SLC17A2: variants seen among roughly 807,000 people sequenced by gnomAD.
SLC17A2 encodes solute carrier family 17 member 2, also known as sodium-dependent phosphate transport protein 3.
A neutral mutation model predicts 52.1 loss-of-function variants in SLC17A2; 38 were observed. The ratio of observed to expected loss-of-function variants is 0.73; its 90% CI spans 0.56 to 0.96. The LOEUF is 0.96. Ranked by LOEUF, SLC17A2 falls within the 40% of genes least tolerant of loss-of-function variation. The probability of loss-of-function intolerance (pLI) is 0.00; values close to 1 mark genes in which losing one functional copy is unlikely to be tolerated. For missense variants in SLC17A2, 508 were observed against 583.9 expected, an observed-to-expected ratio of 0.87 and a Z score of 1.34; for synonymous variants, 226 against 211.9, an observed-to-expected ratio of 1.07 and a Z score of -0.58.
rs1766347615 is a variant in SLC17A2, at chr6:25,916,953, A to G, written c.768+16T>C. 6.2e-7 allele frequency: 1 copy of G among 1,606,786 alleles called. No individual in the cohort carries two copies. The highest frequency in any genetic ancestry group is 8.5e-7 in the Non-Finnish European group (1 of 1,176,332). ...AGACCTCTGCATGGGCCACAGGTAC[A>G]AGGTGTGCACTGTACCTGTTGAGCC... On this transcript the variant is annotated intron_variant, in intron 7 of 11. Transcript: ENST00000377850.
At position 25,923,815 on chromosome 6, in the gene SLC17A2, A is replaced by G; in HGVS notation, c.120T>C (p.Ile40=). The G allele has an allele frequency of 6.2e-7, 1 of 1,614,210 alleles. No individual in the cohort carries two copies. Among genetic ancestry groups the G allele is most frequent in the Non-Finnish European group, 8.5e-7 (1 of 1,180,004 alleles). Residue 40 remains isoleucine, a synonymous_variant, in exon 3 of 12, where the codon ATT becomes ATC. Coordinates refer to ENST00000377850, the MANE Select transcript of SLC17A2 (RefSeq NM_001286123.3). The stretch of plus-strand genomic sequence containing the variant: ...TGGTGTTCACCATGGCGATGATCGC[A>G]ATGCTCAGACTCACACGCTGCGTTA... ...TMITQRVSLS[I]AIIAMVNTTQ...
At chr6:25,928,093 T>G (rs1349671977) in intron 1 of SLC17A2, among the ~76,000 whole-genome samples, 1 of 152,162 alleles carries the variant, frequency 6.6e-6, no homozygotes, top group Non-Finnish European at 1.5e-5. Context: ...TCAGAGATCC[T>G]CTGGCCCAAC....
In SLC17A2 at chr6:25,930,634, T is replaced by C. The variant is rs1766917605; in HGVS notation, c.-441A>G. On this transcript the variant is annotated 5_prime_UTR_variant, in exon 1 of 12. Coordinates refer to ENST00000377850, the MANE Select transcript of SLC17A2 (RefSeq NM_001286123.3). ...TCCCTTCTTCCCTTTCAAATACTTT[T>C]GCAGATTTTTACAGGGATAAATAGT... The C allele has an allele frequency of 6.6e-6, 1 of 152,348 alleles. No homozygotes were observed. Among genetic ancestry groups the C allele is most frequent in the Non-Finnish European group, 1.5e-5 (1 of 68,032 alleles). The allele number at this position is 152,348 out of a possible 1,614,324, so 9.4% of individuals were successfully genotyped here.
At chr6:25,918,673 A>G in intron 5 of SLC17A2, 100 bp from the exon 6 acceptor site, 1 of 725,608 alleles carries the variant, frequency 1.4e-6, no homozygotes, top group Non-Finnish European at 2.5e-6. Flanking sequence ...CAGACTTAGA[A>G]TTATTGGGCA....
chr6:25,916,966 T>C lies in SLC17A2; in HGVS notation c.768+3A>G, dbSNP rs1766348769. On this transcript the variant is annotated splice_donor_region_variant and intron_variant, in intron 7 of 11. Coordinates refer to ENST00000377850, the MANE Select transcript of SLC17A2 (RefSeq NM_001286123.3). ...GGCCACAGGTACAAGGTGTGCACTG[T>C]ACCTGTTGAGCCAGTGAGGACAGGA... 6.2e-7 allele frequency: 1 copy of C among 1,611,598 alleles called. No individual in the cohort carries two copies.
At chr6:25,926,956 C>T (rs1766787753) in intron 1 of SLC17A2, among the ~76,000 whole-genome samples, 1 of 152,158 alleles carries the variant, frequency 6.6e-6, no homozygotes, top group African/African-American at 2.4e-5. Flanking sequence ...GACCCTGCTA[C>T]TAAGGAGGCT....
chr6:25,916,903 A>G, intron 7 of SLC17A2, 57 bp from the exon 8 acceptor site: 1 of 1,608,756 alleles, frequency 6.2e-7, no homozygotes, highest in East Asian at 2.2e-5. Context: ...GGTGCCTCTC[A>G]GAGGAGATCC....
intron 6 of SLC17A2, among the ~76,000 whole-genome samples, chr6:25,917,325 T>C (rs1561876041): frequency 6.6e-6 from 1 of 152,240 alleles, no homozygotes; most frequent in Non-Finnish European, 1.5e-5. Context: ...CCTCTGGAGA[T>C]AACAGGAGCG....
intron 1 of SLC17A2, among the ~76,000 whole-genome samples, chr6:25,928,182 C>A (rs1766829743): frequency 6.6e-6 from 1 of 151,964 alleles, no homozygotes; most frequent in South Asian, 2.1e-4. Flanking sequence ...AGAGCCAGCA[C>A]CAGATCCCCT....
intron 5 of SLC17A2, among the ~76,000 whole-genome samples, chr6:25,919,387 A>G (rs993264177): frequency 4.6e-5 from 7 of 152,162 alleles, no homozygotes; most frequent in African/African-American, 1.4e-4. Context: ...AGTATATCTG[A>G]GGATAAATTG....
At chr6:25,923,035 A>C (rs555361600) in intron 3 of SLC17A2, among the ~76,000 whole-genome samples, 1 of 152,182 alleles carries the variant, frequency 6.6e-6, no homozygotes, top group East Asian at 1.9e-4. Flanking sequence ...AAAAATACAA[A>C]AATTAGCCAG....
intron 10 of SLC17A2, among the ~76,000 whole-genome samples, chr6:25,914,940 G>T (rs1477659503): frequency 1.3e-5 from 2 of 151,472 alleles, no homozygotes. Flanking sequence ...TTGTGCAACG[G>T]GCAGGACACA....
At chr6:25,921,442 A>G (rs747661290) in intron 3 of SLC17A2, 30 bp from the exon 4 acceptor site, 1 of 1,493,784 alleles carries the variant, frequency 6.7e-7, no homozygotes, top group South Asian at 1.1e-5. Context: ...ACTCTTTGTC[A>G]AGAAGTCCTA....
Position 25,929,937 on chromosome 6 carries a change from C to T in SLC17A2, c.-84+340G>A, listed in dbSNP as rs537333636. On this transcript the variant is annotated intron_variant, in intron 1 of 11. Coordinates refer to ENST00000377850, the MANE Select transcript of SLC17A2 (RefSeq NM_001286123.3). Reference sequence around the variant, plus strand: ...GCCTCAGCCTTCTGAATAGCTGGCACGCGCACTATGCATGCGCATAGGTGC... The same window carrying T: ...GCCTCAGCCTTCTGAATAGCTGGCATGCGCACTATGCATGCGCATAGGTGC... Among the ~76,000 whole-genome samples, 7 of 152,308 alleles carry T rather than the reference C, an allele frequency of 4.6e-5. No individual in the cohort carries two copies. In the South Asian group the frequency reaches 8.3e-4, roughly 18 times the overall value.
In SLC17A2 at chr6:25,913,180, TA is replaced by T; in HGVS notation, c.*136del. On this transcript the variant is annotated 3_prime_UTR_variant, in exon 12 of 12. Transcript: ENST00000377850. ...GTGGGTCCCAAGTATCAGTGTCTTA[TA>T]AAGGCTCCCCAGGGAAGACTAACAC... 1.1e-6 allele frequency: 1 copy of T among 916,468 alleles called. No homozygotes were observed. The highest frequency in any genetic ancestry group is 1.7e-6 in the Non-Finnish European group (1 of 581,268). 56.8% of individuals were successfully genotyped at this position (916,468 alleles called of 1,614,324 possible).
chr6:25,914,287 C>A (rs933884986), intron 11 of SLC17A2, among the ~76,000 whole-genome samples: 1 of 152,160 alleles, frequency 6.6e-6, no homozygotes, highest in South Asian at 2.1e-4. Context: ...TGACATGTGT[C>A]TTTCATTCTG....
At chr6:25,924,206 A>G (rs1390850036) in intron 2 of SLC17A2, among the ~76,000 whole-genome samples, 1 of 152,202 alleles carries the variant, frequency 6.6e-6, no homozygotes, top group East Asian at 1.9e-4. Context: ...TTGCTCCAAA[A>G]TGAAGTGAAT....
At position 25,913,324 on chromosome 6, in the gene SLC17A2, C is replaced by T. The variant is rs142926590; in HGVS notation, c.1430G>A (p.Arg477His). The T allele has an allele frequency of 5.9e-5, 96 of 1,614,086 alleles. No individual in the cohort carries two copies. The highest frequency in any genetic ancestry group is 1.1e-4 in the African/African-American group (8 of 75,044). The part of the protein sequence containing the change: ...QDWAKERTLT[R>H]L ...GTTTGTAACTTTATGTCCTCAGAGGCGGGTAAGGGTCCTCTCTTTGGCCCA... is the reference window on the plus strand; with the variant it reads ...GTTTGTAACTTTATGTCCTCAGAGGTGGGTAAGGGTCCTCTCTTTGGCCCA... Residue 477 changes from arginine (R) to histidine (H), a missense_variant, in exon 12 of 12, where the codon CGC (arginine) becomes CAC (histidine). Coordinates refer to ENST00000377850, the MANE Select transcript of SLC17A2 (RefSeq NM_001286123.3).
chr6:25,916,600 T>C (rs1279275935), intron 8 of SLC17A2, 85 bp downstream of exon 8: 4 of 1,146,750 alleles, frequency 3.5e-6, no homozygotes, highest in Non-Finnish European at 5.1e-6. Context: ...TGGTTATATG[T>C]AAAGCCAGAA....
Sources: gnomAD v4.1 joint callset for allele counts (sites outside exome capture counted in the v4.1 genomes callset) on GRCh38, gnomAD v4.1.1 for gene constraint, MANE v1.5 for transcripts, NCBI Gene and HGNC (gene_info 2026-07-23, HGNC 2026-07-21) for gene names.